The following C1orf146 variants were observed in gnomAD, a reference collection of about 807,000 sequenced individuals.
C1orf146 encodes the protein protein SPO16 homolog.
In C1orf146, 22 loss-of-function variants were observed where a neutral mutation model predicts 23.0. That is an observed-to-expected ratio of 0.96 (90% CI 0.68 to 1.36). C1orf146 has a LOEUF of 1.36. Ranked by LOEUF, C1orf146 falls within the 40% of genes most tolerant of loss-of-function variation. The pLI, the probability that C1orf146 is intolerant of heterozygous loss-of-function variation, is 0.00. For synonymous variants in C1orf146, 59 were observed against 65.3 expected, an observed-to-expected ratio of 0.90 and a Z score of 0.47; for missense variants, 199 against 206.8, an observed-to-expected ratio of 0.96 and a Z score of 0.23.
chr1:92,245,697 C>A lies in C1orf146; in HGVS notation c.*23C>A. The A allele has an allele frequency of 2.7e-6, 4 of 1,459,520 alleles. No homozygotes were observed. Among genetic ancestry groups the A allele is most frequent in the South Asian group, 2.7e-5 (2 of 73,360 alleles). 90.4% of individuals were successfully genotyped at this position (1,459,520 alleles called of 1,614,324 possible). On this transcript the variant is annotated 3_prime_UTR_variant, in exon 6 of 6. Transcript: ENST00000370375. Reference sequence around the variant, plus strand: ...TAGAGTACCAACTTAATGTTTTTCTCGAAGAATGTGAAAATAATTAGACCT... The same window carrying A: ...TAGAGTACCAACTTAATGTTTTTCTAGAAGAATGTGAAAATAATTAGACCT...
At chr1:92,245,302 G>A (rs1040986227) in intron 5 of C1orf146, among the ~76,000 whole-genome samples, 1 of 152,146 alleles carries the variant, frequency 6.6e-6, no homozygotes, top group East Asian at 1.9e-4. Flanking sequence ...TTTATACTTG[G>A]AACATATCCC....
chr1:92,233,374 C>T (rs1176244454), intron 2 of C1orf146, among the ~76,000 whole-genome samples: 2 of 151,874 alleles, frequency 1.3e-5, no homozygotes, highest in Non-Finnish European at 2.9e-5. Context: ...GGAATCCTTT[C>T]CCCATTGCTT....
intron 1 of C1orf146, among the ~76,000 whole-genome samples, chr1:92,220,153 C>G (rs1651785547): frequency 6.6e-6 from 1 of 152,106 alleles, no homozygotes; most frequent in Non-Finnish European, 1.5e-5. Flanking sequence ...TTTCCTGTCC[C>G]AGTCCTAGAA....
intron 2 of C1orf146, among the ~76,000 whole-genome samples, chr1:92,232,084 T>C (rs2100737157): frequency 6.6e-6 from 1 of 152,292 alleles, no homozygotes; most frequent in Non-Finnish European, 1.5e-5. Flanking sequence ...TTATACTTTG[T>C]TGTGAGTCCA....
chr1:92,220,958 A>G (rs1651804227), intron 1 of C1orf146, among the ~76,000 whole-genome samples: 1 of 152,230 alleles, frequency 6.6e-6, no homozygotes, highest in African/African-American at 2.4e-5. Flanking sequence ...AATGCCTGCC[A>G]AGAACTGTGA....
intron 3 of C1orf146, among the ~76,000 whole-genome samples, chr1:92,243,150 G>A (rs1482806185): frequency 6.6e-6 from 1 of 152,108 alleles, no homozygotes; most frequent in African/African-American, 2.4e-5. Flanking sequence ...TACAGAAGAG[G>A]AAACTTATGT....
chr1:92,225,941 T>G (rs1178650911), intron 1 of C1orf146, among the ~76,000 whole-genome samples: 1 of 152,254 alleles, frequency 6.6e-6, no homozygotes, highest in African/African-American at 2.4e-5. Flanking sequence ...GGATTTTGGT[T>G]TGACTGTAAA....
chr1:92,236,196 C>T (rs1652271374), intron 2 of C1orf146, among the ~76,000 whole-genome samples: 1 of 151,750 alleles, frequency 6.6e-6, no homozygotes. Context: ...GCAGTTTCTT[C>T]CTAGTCTCGA....
chr1:92,242,407 G>A, intron 3 of C1orf146, 102 bp downstream of exon 3: 1 of 576,112 alleles, frequency 1.7e-6, no homozygotes, highest in Non-Finnish European at 2.9e-6. Context: ...TTATCTTTTG[G>A]GAAGGGTAAA....
chr1:92,231,299 C>T (rs1414910945), intron 1 of C1orf146, 83 bp from the exon 2 acceptor site: 4 of 634,106 alleles, frequency 6.3e-6, no homozygotes, highest in African/African-American at 3.8e-5. Context: ...AAAATGTCTC[C>T]AATACCCTAG....
intron 2 of C1orf146, among the ~76,000 whole-genome samples, chr1:92,238,516 G>T (rs1181986843): frequency 6.6e-6 from 1 of 152,040 alleles, no homozygotes; most frequent in Non-Finnish European, 1.5e-5. Flanking sequence ...AACATATTTT[G>T]AAAAATCTAT....
chr1:92,225,335 G>A (rs1026223806), intron 1 of C1orf146, among the ~76,000 whole-genome samples: 6 of 152,136 alleles, frequency 3.9e-5, no homozygotes, highest in African/African-American at 1.4e-4. Flanking sequence ...ACAAACTCCT[G>A]GGCTCCAGCA....
rs964047339 is a variant in C1orf146, at chr1:92,241,210, TA to T, written c.67-1001del. On this transcript the variant is annotated intron_variant, in intron 2 of 5. Coordinates refer to ENST00000370375, the MANE Select transcript of C1orf146 (RefSeq NM_001012425.2). ...TGCTTATTATTATTATTATTATTAT[TA>T]TTATTATTATTATTATTTGAGACAG... 1.1e-4 allele frequency among the ~76,000 whole-genome samples: 17 copies of T among 149,022 alleles called. 1 individual carries two copies. Among genetic ancestry groups the T allele is most frequent in the Admixed American group, 9.4e-4 (14 of 14,896 alleles).
chr1:92,222,591 CTT>C (rs1173817517), intron 1 of C1orf146, among the ~76,000 whole-genome samples: 1 of 12,460 alleles, frequency 8.0e-5, no homozygotes. Flanking sequence ...TTTCTTTTTT[CTT>C]TTTTTTTTTT....
At chr1:92,225,015 A>G (rs1651932598) in intron 1 of C1orf146, among the ~76,000 whole-genome samples, 1 of 152,052 alleles carries the variant, frequency 6.6e-6, no homozygotes, top group Admixed American at 6.6e-5. Context: ...CTCTGGGATT[A>G]CAGGCATGAG....
At chr1:92,226,399 G>GCACACA (rs368243079) in intron 1 of C1orf146, among the ~76,000 whole-genome samples, 5 of 146,220 alleles carry the variant, frequency 3.4e-5, no homozygotes, top group African/African-American at 9.8e-5. Flanking sequence ...ATGCACGCAT[G>GCACACA]CACACACACA....
chr1:92,234,708 CTGG>C (rs1232727643), intron 2 of C1orf146, among the ~76,000 whole-genome samples: 4 of 152,238 alleles, frequency 2.6e-5, no homozygotes, highest in Non-Finnish European at 5.9e-5. Flanking sequence ...CCTTTTACCT[CTGG>C]TAGAATTAGG....
chr1:92,222,904 TATAAAATAAA>T (rs1037211919), intron 1 of C1orf146, among the ~76,000 whole-genome samples: 9 of 152,094 alleles, frequency 5.9e-5, no homozygotes, highest in Non-Finnish European at 1.3e-4. Flanking sequence ...GTATTTCTTA[TATAAAATAAA>T]CTATACAATA....
At chr1:92,243,513 A>G (rs1199549177) in intron 3 of C1orf146, among the ~76,000 whole-genome samples, 1 of 151,844 alleles carries the variant, frequency 6.6e-6, no homozygotes, top group Non-Finnish European at 1.5e-5. Context: ...CACCCAGCTA[A>G]TTTTTGTATT....
Sources: gnomAD v4.1 joint callset for allele counts (sites outside exome capture counted in the v4.1 genomes callset) on GRCh38, gnomAD v4.1.1 for gene constraint, MANE v1.5 for transcripts, NCBI Gene and HGNC (gene_info 2026-07-23, HGNC 2026-07-21) for gene names.